The following CR1 variants were observed in gnomAD, a reference collection of about 807,000 sequenced individuals.
CR1 encodes complement C3b/C4b receptor 1 (Knops blood group), also known as complement receptor type 1.
In CR1, 116 loss-of-function variants were observed where a neutral mutation model predicts 187.3. The observed-to-expected ratio is 0.62, with a 90% CI of 0.53 to 0.72. The LOEUF (loss-of-function observed/expected upper bound fraction) is 0.72, where lower values mean the gene tolerates loss of function less well. Among genes scored for constraint, CR1 ranks in the 30% least tolerant of loss-of-function variants. The probability of loss-of-function intolerance (pLI) is 0.00; values close to 1 mark genes in which losing one functional copy is unlikely to be tolerated. For synonymous variants in CR1, 576 were observed against 747.1 expected, an observed-to-expected ratio of 0.77 and a Z score of 3.73; for missense variants, 1,731 against 2,110.7, an observed-to-expected ratio of 0.82 and a Z score of 3.52.
chr1:207,522,676 T>C (rs1660034191), intron 4 of CR1, among the ~76,000 whole-genome samples: 1 of 152,228 alleles, frequency 6.6e-6, no homozygotes, highest in South Asian at 2.1e-4. Flanking sequence ...TAGCCTTTCT[T>C]GAGGGTGGAT....
intron 35 of CR1, among the ~76,000 whole-genome samples, chr1:207,596,660 T>C (rs1463744388): frequency 6.6e-6 from 1 of 150,448 alleles, no homozygotes; most frequent in Non-Finnish European, 1.5e-5. Flanking sequence ...ACAAAAATGT[T>C]TAAGAGTGAA....
chr1:207,511,078 C>A (rs1659599665), intron 3 of CR1, among the ~76,000 whole-genome samples: 1 of 151,974 alleles, frequency 6.6e-6, no homozygotes, highest in African/African-American at 2.4e-5. Flanking sequence ...TGCCTCAGCC[C>A]CCCAAAGTGC....
intron 1 of CR1, among the ~76,000 whole-genome samples, chr1:207,498,430 C>T (rs1377153150): frequency 1.3e-5 from 2 of 151,886 alleles, no homozygotes; most frequent in South Asian, 2.1e-4. Context: ...TCACAGTACC[C>T]GTAAAGTGGT....
chr1:207,609,717 G>T, intron 37 of CR1, 29 bp downstream of exon 37: 1 of 1,530,488 alleles, frequency 6.5e-7, no homozygotes, highest in South Asian at 1.3e-5. Context: ...GACTTTGCTG[G>T]GTGTGAGGGT....
chr1:207,590,530 C>A (rs1041660251), intron 35 of CR1, among the ~76,000 whole-genome samples: 1 of 152,094 alleles, frequency 6.6e-6, no homozygotes, highest in Non-Finnish European at 1.5e-5. Context: ...AGACCATCAA[C>A]AATATGAAGA....
intron 23 of CR1, 67 bp from the exon 24 acceptor site, chr1:207,565,771 T>TAATC (rs1227859161): frequency 6.2e-7 from 1 of 1,601,104 alleles, no homozygotes; most frequent in African/African-American, 1.4e-5. Flanking sequence ...GGGCTGGGCC[T>TAATC]TAGATTGTGA....
intron 1 of CR1, 52 bp from the exon 2 acceptor site, chr1:207,505,852 A>T (rs549290021): frequency 9.7e-6 from 15 of 1,553,098 alleles, no homozygotes; most frequent in African/African-American, 1.4e-5. Flanking sequence ...GAAAAAAAAA[A>T]GTATGGTAAT....
chr1:207,609,780 T>C (rs1222830348), intron 37 of CR1, 92 bp downstream of exon 37: 6 of 1,319,480 alleles, frequency 4.5e-6, no homozygotes. Flanking sequence ...ATAAGGACTA[T>C]GAAATTGGCA....
intron 35 of CR1, chr1:207,605,856 T>G (rs1161544803): frequency 6.6e-6 from 1 of 152,220 alleles, no homozygotes; most frequent in Non-Finnish European, 1.5e-5. Context: ...ATTCAATCAG[T>G]ACCTAAAACG....
chr1:207,498,793 G>T (rs1223974651), intron 1 of CR1, among the ~76,000 whole-genome samples: 2 of 147,732 alleles, frequency 1.4e-5, no homozygotes, highest in African/African-American at 5.0e-5. Context: ...CATGAGAATC[G>T]CTTGAACCTG....
chr1:207,617,499 A>ATG (rs1662145814), intron 41 of CR1, among the ~76,000 whole-genome samples: 1 of 59,408 alleles, frequency 1.7e-5, no homozygotes, highest in South Asian at 5.0e-4. Context: ...ATATATATAT[A>ATG]TATATATATG....
intron 45 of CR1, among the ~76,000 whole-genome samples, chr1:207,627,248 A>G (rs2102410596): frequency 6.6e-6 from 1 of 152,012 alleles, no homozygotes; most frequent in South Asian, 2.1e-4. Flanking sequence ...TCATAGCCTT[A>G]TTCTCTTTTA....
intron 45 of CR1, among the ~76,000 whole-genome samples, chr1:207,625,881 T>C (rs1445246167): frequency 1.3e-5 from 2 of 152,224 alleles, no homozygotes; most frequent in Non-Finnish European, 2.9e-5. Context: ...ATAGTGATGT[T>C]ATCTATAGGA....
chr1:207,593,135 A>G (rs1339207047), intron 35 of CR1, among the ~76,000 whole-genome samples: 1 of 151,894 alleles, frequency 6.6e-6, no homozygotes, highest in Non-Finnish European at 1.5e-5. Flanking sequence ...ACCAAAAAAT[A>G]GCCCATATAG....
intron 32 of CR1, among the ~76,000 whole-genome samples, chr1:207,582,795 G>C (rs1261230199): frequency 6.6e-6 from 1 of 152,200 alleles, no homozygotes; most frequent in East Asian, 1.9e-4. Flanking sequence ...GGGTGTGAAA[G>C]AAAGAGAAGA....
At chr1:207,566,342 A>G (rs1365112670) in intron 24 of CR1, among the ~76,000 whole-genome samples, 3 of 148,802 alleles carry the variant, frequency 2.0e-5, no homozygotes, top group Non-Finnish European at 4.4e-5. Context: ...TTCTCCCATC[A>G]AAGTGCAGTC....
chr1:207,610,595 G>C (rs916309443), intron 37 of CR1, among the ~76,000 whole-genome samples: 1 of 152,152 alleles, frequency 6.6e-6, no homozygotes, highest in African/African-American at 2.4e-5. Context: ...GCCTCCCAAA[G>C]TACTGGGATT....
At chr1:207,575,461 A>G in intron 27 of CR1, 134 bp from the exon 28 acceptor site, 2 of 1,096,092 alleles carry the variant, frequency 1.8e-6, no homozygotes, top group Non-Finnish European at 2.7e-6. Flanking sequence ...GAAGAGCTGG[A>G]AACAATAGGT....
In CR1 at chr1:207,609,293, T is replaced by C; in HGVS notation, c.5900T>C (p.Ile1967Thr). The change falls in exon 37 of 47, where the codon ATA becomes ACA. Residue 1967 changes from isoleucine to threonine, a missense_variant. Coordinates refer to ENST00000367049, the MANE Select transcript of CR1 (RefSeq NM_000651.6). ...ACCATACTCTTCCTTCTCTCAGTCA[T>C]ATCTTGTGAGCCACCTCCAACCATA... ...WDKKAPICEIISCEPPPTISN... is the reference protein window; with the variant it reads ...WDKKAPICEITSCEPPPTISN... The C allele has an allele frequency of 6.2e-7, 1 of 1,604,842 alleles. No homozygotes were observed. Among genetic ancestry groups the C allele is most frequent in the Admixed American group, 1.7e-5 (1 of 59,162 alleles).
Sources: allele counts gnomAD v4.1 joint callset (sites outside exome capture counted in the v4.1 genomes callset), GRCh38; gene constraint gnomAD v4.1.1; transcripts MANE v1.5; gene names NCBI Gene and HGNC (gene_info 2026-07-23, HGNC 2026-07-21).